Variants in ALKBH1 observed in about 807,000 individuals in gnomAD.
ALKBH1 encodes alkB homolog 1, histone H2A dioxygenase.
Under a neutral mutation model 36.6 loss-of-function variants are expected in ALKBH1, and 31 were observed. The observed-to-expected ratio is 0.85, with a 90% CI of 0.64 to 1.14. The LOEUF (loss-of-function observed/expected upper bound fraction) is 1.14. Among genes scored for constraint, ALKBH1 ranks in the 50% most tolerant of loss-of-function variants. The pLI, the probability that ALKBH1 is intolerant of heterozygous loss-of-function variation, is 0.00. For missense variants in ALKBH1, 490 were observed against 497.3 expected, an observed-to-expected ratio of 0.99 and a Z score of 0.14; for synonymous variants, 183 against 186.6, an observed-to-expected ratio of 0.98 and a Z score of 0.16.
At chr14:77,674,787 A>G (rs2080196071) in intron 5 of ALKBH1, among the ~76,000 whole-genome samples, 1 of 152,102 alleles carries the variant, frequency 6.6e-6, no homozygotes, top group Non-Finnish European at 1.5e-5. Flanking sequence ...CCTGAACTCA[A>G]GTGATCCACT....
chr14:77,673,422 AT>A lies in ALKBH1; in HGVS notation c.*389del, dbSNP rs1313128859. ...CCACAATTTTACCATAAATTACCAGATGGAGTGGAGGGAGGGGTACTGTATT... is the reference window on the plus strand; with the variant it reads ...CCACAATTTTACCATAAATTACCAGAGGAGTGGAGGGAGGGGTACTGTATT... On this transcript the variant is annotated 3_prime_UTR_variant, in exon 6 of 6. Coordinates refer to ENST00000216489, the MANE Select transcript of ALKBH1 (RefSeq NM_006020.3). 2 of 173,410 alleles carry A rather than the reference AT, an allele frequency of 1.2e-5. No individual in the cohort carries two copies. The highest frequency in any genetic ancestry group is 4.8e-5 in the African/African-American group (2 of 41,916). The allele number at this position is 173,410 out of a possible 1,614,324, so 10.7% of individuals were successfully genotyped here.
rs2080182134 is a variant in ALKBH1 at position 77,672,653 on chromosome 14, A to G, written c.*1159T>C. On this transcript the variant is annotated 3_prime_UTR_variant, in exon 6 of 6. Transcript: ENST00000216489. ...GCACATCATGTTTGTAGAAAGGAGC[A>G]CTTAATTCTCTTTCAAATACCAATA... is the stretch of plus-strand genomic sequence containing the variant. The G allele has an allele frequency of 6.6e-6, 1 of 152,226 alleles. No individual in the cohort carries two copies. The highest frequency in any genetic ancestry group is 1.5e-5 in the Non-Finnish European group (1 of 68,034). 9.4% of individuals were successfully genotyped at this position (152,226 alleles called of 1,614,324 possible).
chr14:77,705,620 G>C (rs1174182272), intron 1 of ALKBH1, among the ~76,000 whole-genome samples: 1 of 152,158 alleles, frequency 6.6e-6, no homozygotes, highest in African/African-American at 2.4e-5. Context: ...AGGGGCTGAA[G>C]TTTTCTTTGT....
At chr14:77,679,668 T>A (rs899432097) in intron 4 of ALKBH1, among the ~76,000 whole-genome samples, 1 of 152,088 alleles carries the variant, frequency 6.6e-6, no homozygotes, top group Non-Finnish European at 1.5e-5. Flanking sequence ...TGACCTTAAG[T>A]GATCCGCCCA....
At chr14:77,697,771 G>C (rs2080336318) in intron 2 of ALKBH1, among the ~76,000 whole-genome samples, 1 of 150,448 alleles carries the variant, frequency 6.6e-6, no homozygotes, top group African/African-American at 2.4e-5. Flanking sequence ...CCTAGCACTT[G>C]AAAGGCCAAG....
intron 2 of ALKBH1, among the ~76,000 whole-genome samples, chr14:77,701,699 T>A (rs1227414409): frequency 3.3e-5 from 5 of 152,312 alleles, no homozygotes; most frequent in Middle Eastern, 6.8e-3. Flanking sequence ...AAGAAGAGAC[T>A]GTTCTCTCCT....
intron 2 of ALKBH1, among the ~76,000 whole-genome samples, chr14:77,702,135 C>T (rs531932620): frequency 3.9e-5 from 6 of 152,256 alleles, no homozygotes; most frequent in Non-Finnish European, 7.4e-5. Flanking sequence ...CCCATCTCTA[C>T]TAAAAACACA....
intron 2 of ALKBH1, among the ~76,000 whole-genome samples, chr14:77,702,814 G>A (rs1595059863): frequency 6.6e-6 from 1 of 151,832 alleles, no homozygotes; most frequent in Non-Finnish European, 1.5e-5. Context: ...TCAGTCTCCT[G>A]AGTAGCTGAG....
chr14:77,694,752 GCT>G lies in ALKBH1; in HGVS notation c.439_440del (p.Ser147GlnfsTer7). On this transcript the variant is annotated frameshift_variant, in exon 3 of 6. Transcript: ENST00000216489. LOFTEE classifies it high-confidence loss of function. ...ACAAGACTTACCTCAGGAACTCTTT[GCT>G]CTGTTCCCACAGATCTTGGGTCTCT... ...KEETQDLWEQ[S>X]KEFLRYKEAT... The G allele has an allele frequency of 6.3e-7, 1 of 1,594,976 alleles. No homozygotes were observed. Among genetic ancestry groups the G allele is most frequent in the Non-Finnish European group, 8.5e-7 (1 of 1,172,422 alleles).
At chr14:77,683,402 T>C in intron 3 of ALKBH1, 3 of 776,522 alleles carry the variant, frequency 3.9e-6, no homozygotes, top group Non-Finnish European at 6.9e-6. Context: ...ATGTGCTCAA[T>C]GCGCACATTA....
chr14:77,695,904 C>T (rs901688291), intron 2 of ALKBH1, among the ~76,000 whole-genome samples: 1 of 152,032 alleles, frequency 6.6e-6, no homozygotes, highest in East Asian at 1.9e-4. Flanking sequence ...AGACCAGCCT[C>T]GCCAACATGG....
chr14:77,701,513 G>A (rs1416011651), intron 2 of ALKBH1, among the ~76,000 whole-genome samples: 1 of 152,068 alleles, frequency 6.6e-6, no homozygotes, highest in Non-Finnish European at 1.5e-5. Flanking sequence ...ATGCTGTCAA[G>A]TTCCCCCATA....
chr14:77,680,942 C>T lies in ALKBH1; in HGVS notation c.456-972G>A, dbSNP rs374882811. On this transcript the variant is annotated intron_variant, in intron 3 of 5. Transcript: ENST00000216489. ...CCGCCTGCCTCGGCCTCCCAAAATG[C>T]TGGGATTACAGGCGTGAGCCACCAC... Among the ~76,000 whole-genome samples the T allele has an allele frequency of 6.5e-4, 99 of 152,222 alleles. No homozygotes were observed. The East Asian group carries it at 9.8e-3, about 15-fold the overall frequency.
At chr14:77,695,016 G>C in intron 2 of ALKBH1, 116 bp from the exon 3 acceptor site, 1 of 901,462 alleles carries the variant, frequency 1.1e-6, no homozygotes, top group Non-Finnish European at 1.5e-6. Context: ...TATTTTTTTG[G>C]TCATGCTTCA....
Position 77,675,811 on chromosome 14 carries a change from G to T in ALKBH1, c.585C>A (p.Asp195Glu), listed in dbSNP as rs145967498. ...SADHYTPFPSDLGFLSEQVAA... is the reference protein window; with the variant it reads ...SADHYTPFPSELGFLSEQVAA... ...CTACTTGCTCTGAGAGGAAACCCAG[G>T]TCAGAAGGGAAAGGTGTGTAATGAT... The change falls in exon 5 of 6, where the codon GAC (aspartate) becomes GAA (glutamate). Residue 195 changes from aspartate to glutamate, a missense_variant. Coordinates refer to ENST00000216489, the MANE Select transcript of ALKBH1 (RefSeq NM_006020.3). The T allele has an allele frequency of 1.7e-5, 28 of 1,613,814 alleles. No individual in the cohort carries two copies. Among genetic ancestry groups the T allele is most frequent in the Non-Finnish European group, 2.1e-5 (25 of 1,179,920 alleles).
chr14:77,692,906 A>T (rs1324898694), intron 3 of ALKBH1, among the ~76,000 whole-genome samples: 12 of 91,050 alleles, frequency 1.3e-4, no homozygotes, highest in Admixed American at 1.1e-3. Flanking sequence ...CCAGCTAATT[A>T]AAAAAAAAAA....
At chr14:77,701,522 T>C (rs2139865195) in intron 2 of ALKBH1, among the ~76,000 whole-genome samples, 1 of 152,238 alleles carries the variant, frequency 6.6e-6, no homozygotes, top group South Asian at 2.1e-4. Context: ...AGTTCCCCCA[T>C]AAGTCTTTTC....
Position 77,674,021 on chromosome 14 carries a change from G to T in ALKBH1, c.961C>A (p.Pro321Thr). 6.2e-7 allele frequency: 1 copy of T among 1,614,180 alleles called. No individual in the cohort carries two copies. The highest frequency in any genetic ancestry group is 1.1e-5 in the South Asian group (1 of 91,080). The change falls in exon 6 of 6, where the codon CCT (proline) becomes ACT (threonine). Residue 321 changes from proline to threonine, a missense_variant. Coordinates refer to ENST00000216489, the MANE Select transcript of ALKBH1 (RefSeq NM_006020.3). ...AVLPRDSMVE[P>T]CSMEDWQVCA... is the part of the protein sequence containing the mutation. ...ACCTGCCAGTCCTCCATAGAACAAG[G>T]CTCTACCATTGAATCTCTCGGGAGG...
At chr14:77,706,263 T>C (rs2080390049) in intron 1 of ALKBH1, among the ~76,000 whole-genome samples, 1 of 152,130 alleles carries the variant, frequency 6.6e-6, no homozygotes, top group Admixed American at 6.6e-5. Flanking sequence ...CTGACAGTAC[T>C]ATCAGCTGAG....
Sources: allele counts gnomAD v4.1 joint callset (sites outside exome capture counted in the v4.1 genomes callset), GRCh38; gene constraint gnomAD v4.1.1; transcripts MANE v1.5; gene names NCBI Gene and HGNC (gene_info 2026-07-23, HGNC 2026-07-21).